Variants in MORC1 observed in about 807,000 individuals in gnomAD.
The protein encoded by MORC1 is MORC family CW-type zinc finger 1.
A neutral mutation model predicts 134.9 loss-of-function variants in MORC1; 59 were observed. The ratio of observed to expected loss-of-function variants is 0.44; its 90% CI spans 0.35 to 0.54. The LOEUF (loss-of-function observed/expected upper bound fraction) is 0.54, where lower values mean the gene tolerates loss of function less well. MORC1 is among the 20% of genes least tolerant of loss of function. The probability of loss-of-function intolerance (pLI) is 0.00; values close to 1 mark genes in which losing one functional copy is unlikely to be tolerated. For missense variants in MORC1, 947 were observed against 1,134.5 expected, an observed-to-expected ratio of 0.83 and a Z score of 2.37; for synonymous variants, 395 against 391.7, an observed-to-expected ratio of 1.01 and a Z score of -0.10.
At chr3:109,109,978 A>T (rs1259385052) in intron 3 of MORC1, 1 of 152,178 alleles carries the variant, frequency 6.6e-6, no homozygotes, top group Non-Finnish European at 1.5e-5. Flanking sequence ...GTTTTTCAGG[A>T]CCTGGAGAGG....
chr3:108,995,420 T>C (rs1230518201), intron 21 of MORC1, among the ~76,000 whole-genome samples: 1 of 152,216 alleles, frequency 6.6e-6, no homozygotes, highest in East Asian at 1.9e-4. Flanking sequence ...CCACTATTCA[T>C]TAAAAAACAG....
chr3:109,107,853 A>G (rs975680079), intron 3 of MORC1, among the ~76,000 whole-genome samples: 2 of 152,208 alleles, frequency 1.3e-5, no homozygotes, highest in African/African-American at 4.8e-5. Context: ...TTTAAGCTAA[A>G]CTGAACTATA....
intron 21 of MORC1, among the ~76,000 whole-genome samples, chr3:108,988,073 C>A (rs963774830): frequency 1.3e-5 from 2 of 152,056 alleles, no homozygotes; most frequent in African/African-American, 2.4e-5. Context: ...CCCTCTCTAA[C>A]CTGCTAAACA....
At chr3:109,099,739 G>A (rs1279853662) in intron 5 of MORC1, among the ~76,000 whole-genome samples, 1 of 152,008 alleles carries the variant, frequency 6.6e-6, no homozygotes, top group Non-Finnish European at 1.5e-5. Context: ...GGTAGGAGCC[G>A]TACAAGTGAG....
At position 109,107,842 on chromosome 3, in the gene MORC1, T is replaced by C. The variant is rs569078153; in HGVS notation, c.154+2907A>G. On this transcript the variant is annotated intron_variant, in intron 3 of 27. Transcript: ENST00000232603. ...AATCAATAAAAACATGAATAGGTAA[T>C]TTTAAGCTAAACTGAACTATAAGTT... Among the ~76,000 whole-genome samples, 3 of 152,316 alleles carry C rather than the reference T, an allele frequency of 2.0e-5. No homozygotes were observed. The South Asian group carries it at 6.2e-4, about 32-fold the overall frequency.
At chr3:109,046,849 C>T (rs563386164) in intron 14 of MORC1, among the ~76,000 whole-genome samples, 111 of 152,200 alleles carry the variant, frequency 7.3e-4, no homozygotes, top group South Asian at 5.8e-3. Flanking sequence ...GTTTTTGTAG[C>T]AAGAGCAGCT....
intron 14 of MORC1, among the ~76,000 whole-genome samples, chr3:109,036,054 A>G (rs970123714): frequency 6.6e-6 from 1 of 152,140 alleles, no homozygotes; most frequent in Non-Finnish European, 1.5e-5. Context: ...TGATCCAGCA[A>G]TTATACTGTT....
intron 24 of MORC1, among the ~76,000 whole-genome samples, chr3:108,978,981 C>T (rs1400910968): frequency 2.6e-5 from 4 of 152,154 alleles, no homozygotes; most frequent in Admixed American, 6.5e-5. Context: ...AGGCCCCCAT[C>T]TATTATCAGT....
chr3:109,107,791 T>C (rs1576752917), intron 3 of MORC1, among the ~76,000 whole-genome samples: 1 of 152,222 alleles, frequency 6.6e-6, no homozygotes, highest in Non-Finnish European at 1.5e-5. Context: ...ATAAGATGGC[T>C]TGCCTCAATA....
intron 4 of MORC1, 45 bp downstream of exon 4, chr3:109,103,804 C>A (rs766332663): frequency 1.3e-6 from 2 of 1,498,894 alleles, no homozygotes; most frequent in South Asian, 2.3e-5. Flanking sequence ...GGTTTTCAGA[C>A]TGTTTCCTTT....
intron 8 of MORC1, among the ~76,000 whole-genome samples, chr3:109,086,984 C>A (rs1438040399): frequency 6.6e-6 from 1 of 152,004 alleles, no homozygotes; most frequent in Non-Finnish European, 1.5e-5. Context: ...ATAATTTCTA[C>A]AGTAGAAGAG....
chr3:109,062,131 C>T, intron 10 of MORC1, 73 bp from the exon 11 acceptor site: 2 of 1,324,216 alleles, frequency 1.5e-6, no homozygotes, highest in Non-Finnish European at 1.1e-6. Flanking sequence ...ATTTTCTATA[C>T]ATGTAGCATG....
chr3:108,963,053 G>A (rs1474221815), intron 27 of MORC1, among the ~76,000 whole-genome samples: 1 of 151,964 alleles, frequency 6.6e-6, no homozygotes, highest in East Asian at 1.9e-4. Context: ...AGATACAAAA[G>A]AATGTGTGCC....
At chr3:109,092,221 CTGAA>C (rs1449307729) in intron 8 of MORC1, among the ~76,000 whole-genome samples, 1 of 151,890 alleles carries the variant, frequency 6.6e-6, no homozygotes, top group African/African-American at 2.4e-5. Context: ...AGCCATTAGG[CTGAA>C]TATTTTTTTC....
At chr3:109,013,455 T>C (rs1948744802) in intron 17 of MORC1, among the ~76,000 whole-genome samples, 1 of 152,234 alleles carries the variant, frequency 6.6e-6, no homozygotes, top group Non-Finnish European at 1.5e-5. Context: ...ATTTGAGTCC[T>C]TTCATGTGCA....
intron 14 of MORC1, among the ~76,000 whole-genome samples, chr3:109,050,054 T>A (rs561676218): frequency 6.6e-6 from 1 of 152,252 alleles, no homozygotes; most frequent in South Asian, 2.1e-4. Context: ...CCTATCCTCC[T>A]GGGCCCCAAG....
chr3:108,976,846 T>C (rs1043181726), intron 24 of MORC1, among the ~76,000 whole-genome samples: 4 of 152,194 alleles, frequency 2.6e-5, no homozygotes, highest in African/African-American at 9.6e-5. Flanking sequence ...TAGTGATGCC[T>C]AATGATAGAA....
chr3:109,110,708 T>C (rs1157516967), intron 3 of MORC1, 41 bp downstream of exon 3: 2 of 1,502,462 alleles, frequency 1.3e-6, no homozygotes, highest in Admixed American at 2.2e-5. Flanking sequence ...CTACAGTCTT[T>C]CCATTAGAAG....
At chr3:109,048,031 T>C (rs1949735860) in intron 14 of MORC1, among the ~76,000 whole-genome samples, 1 of 152,178 alleles carries the variant, frequency 6.6e-6, no homozygotes, top group Non-Finnish European at 1.5e-5. Flanking sequence ...GCTGCTAGTC[T>C]ACCAATTTAA....
Sources: gnomAD v4.1 joint callset for allele counts (sites outside exome capture counted in the v4.1 genomes callset) on GRCh38, gnomAD v4.1.1 for gene constraint, MANE v1.5 for transcripts, NCBI Gene and HGNC (gene_info 2026-07-23, HGNC 2026-07-21) for gene names.